The following RNF175 variants were observed in gnomAD, a reference collection of about 807,000 sequenced individuals.
The protein encoded by RNF175 is ring finger protein 175.
In RNF175, 38 loss-of-function variants were observed where a neutral mutation model predicts 50.0. That is an observed-to-expected ratio of 0.76 (90% CI 0.59 to 1.00). RNF175 has a LOEUF of 1.00. Ranked by LOEUF, RNF175 falls within the 50% of genes least tolerant of loss-of-function variation. The pLI is 0.00. For missense variants in RNF175, 388 were observed against 409.6 expected, an observed-to-expected ratio of 0.95 and a Z score of 0.46; for synonymous variants, 155 against 146.1, an observed-to-expected ratio of 1.06 and a Z score of -0.44.
chr4:153,756,275 A>G (rs1383345478), intron 1 of RNF175, among the ~76,000 whole-genome samples: 1 of 152,086 alleles, frequency 6.6e-6, no homozygotes. Flanking sequence ...TTGGCTAGCT[A>G]AATTTGTGTG....
At chr4:153,723,272 C>T (rs556138479) in intron 5 of RNF175, 79 bp downstream of exon 5, 7 of 719,454 alleles carry the variant, frequency 9.7e-6, no homozygotes, top group East Asian at 5.4e-5. Flanking sequence ...CCAGATGCTT[C>T]TGGATTAAGA....
intron 5 of RNF175, among the ~76,000 whole-genome samples, chr4:153,721,889 T>G (rs913756072): frequency 1.3e-5 from 2 of 152,178 alleles, no homozygotes; most frequent in Non-Finnish European, 2.9e-5. Flanking sequence ...CTAGCAATAA[T>G]AGATTTGTAC....
At position 153,715,604 on chromosome 4, in the gene RNF175, C is replaced by T. The variant is rs1383342337; in HGVS notation, c.689G>A (p.Cys230Tyr). 6.2e-7 allele frequency: 1 copy of T among 1,613,776 alleles called. No homozygotes were observed. The highest frequency in any genetic ancestry group is 1.7e-5 in the Admixed American group (1 of 60,014). Residue 230 changes from cysteine (C) to tyrosine (Y), a missense_variant, in exon 7 of 9, where the codon TGT becomes TAT. Physicochemically the swap from Cys to Tyr is radical, Grantham distance 194. Transcript: ENST00000347063. ...AAGCTCCACAATGATCTTCTGCCCA[C>T]AGACTGCACAGATATTGTCCGATAA... The part of the protein sequence containing the change: ...RSLSDNICAV[C>Y]GQKIIVELDE...
intron 6 of RNF175, among the ~76,000 whole-genome samples, chr4:153,719,520 CATAG>C (rs1472824725): frequency 6.6e-6 from 1 of 152,088 alleles, no homozygotes; most frequent in Non-Finnish European, 1.5e-5. Context: ...AAGAGTCAGA[CATAG>C]ATAAATGCCC....
At chr4:153,748,850 CAAAAAACAAAAAACA>C (rs748873241) in intron 2 of RNF175, 64 bp from the exon 3 acceptor site, 61 of 990,454 alleles carry the variant, frequency 6.2e-5, no homozygotes, top group African/African-American at 2.4e-4. Flanking sequence ...GCAAAAAAAA[CAAAAAACAAAAAACA>C]AAAAAACAAA....
chr4:153,720,773 A>T (rs1023320302), intron 5 of RNF175: 1 of 155,250 alleles, frequency 6.4e-6, no homozygotes, highest in African/African-American at 2.4e-5. Flanking sequence ...ACCACCAAGG[A>T]CTGGAGTTTA....
chr4:153,730,248 C>A (rs1738954530), intron 3 of RNF175, among the ~76,000 whole-genome samples: 1 of 152,082 alleles, frequency 6.6e-6, no homozygotes, highest in African/African-American at 2.4e-5. Flanking sequence ...AGCTTGAGAC[C>A]AGCCTGGGCA....
At chr4:153,734,923 A>G (rs543335158) in intron 3 of RNF175, among the ~76,000 whole-genome samples, 3 of 151,720 alleles carry the variant, frequency 2.0e-5, no homozygotes, top group Admixed American at 1.3e-4. Context: ...TGATCTGCCC[A>G]CCTCGGCCTC....
At chr4:153,718,197 C>T (rs1738068384) in intron 6 of RNF175, among the ~76,000 whole-genome samples, 1 of 138,746 alleles carries the variant, frequency 7.2e-6, no homozygotes, top group Admixed American at 7.5e-5. Context: ...TAGCTCATTC[C>T]TTTCCTAAGG....
intron 7 of RNF175, chr4:153,715,090 CTT>C (rs1737820341): frequency 9.1e-6 from 2 of 219,850 alleles, no homozygotes; most frequent in Non-Finnish European, 1.9e-5. Flanking sequence ...GCAAAGCACT[CTT>C]TGTATTTCTT....
At position 153,722,826 on chromosome 4, in the gene RNF175, C is replaced by T. The variant is rs184009862; in HGVS notation, c.509+525G>A. Among the ~76,000 whole-genome samples the T allele has an allele frequency of 1.1e-3, 166 of 151,144 alleles. 1 individual carries two copies. Among genetic ancestry groups the T allele is most frequent in the Non-Finnish European group, 1.2e-3 (83 of 67,860 alleles). ...TTAATCTCACCAATATATTTAAATA[C>T]TATCATTTCAAAATGTAATTGATAT... On this transcript the variant is annotated intron_variant, in intron 5 of 8. Transcript: ENST00000347063.
chr4:153,716,396 T>C (rs1205794707), intron 6 of RNF175, among the ~76,000 whole-genome samples: 2 of 152,208 alleles, frequency 1.3e-5, no homozygotes, highest in Non-Finnish European at 2.9e-5. Flanking sequence ...GAGGCATCTC[T>C]CCGTCATTTA....
chr4:153,712,523 C>G lies in RNF175; in HGVS notation c.818G>C (p.Cys273Ser). The G allele has an allele frequency of 1.2e-6, 2 of 1,613,212 alleles. No individual in the cohort carries two copies. The highest frequency in any genetic ancestry group is 2.7e-5 in the African/African-American group (2 of 75,030). The change falls in exon 8 of 9, where the codon TGC becomes TCC. Residue 273 changes from cysteine (C) to serine (S), a missense_variant. By Grantham distance (112) the Cys-to-Ser change is moderately radical (BLOSUM62 -1). Coordinates refer to ENST00000347063, the MANE Select transcript of RNF175 (RefSeq NM_173662.4). Reference sequence around the variant, plus strand: ...ATCAACTTTCTCTTTGCAGTAAGGGCAAGTCTGCTTTTTCCCAACGATACA... The same window carrying G: ...ATCAACTTTCTCTTTGCAGTAAGGGGAAGTCTGCTTTTTCCCAACGATACA... The part of the protein sequence containing the change: ...GWCIVGKKQT[C>S]PYCKEKVDLK...
At position 153,726,470 on chromosome 4, in the gene RNF175, T is replaced by C. The variant is rs190497842; in HGVS notation, c.401+1737A>G. 2.2e-3 allele frequency among the ~76,000 whole-genome samples: 339 copies of C among 152,294 alleles called. 2 individuals are homozygous for C. The highest frequency in any genetic ancestry group is 6.8e-3 in the African/African-American group (284 of 41,570). ...CAACTGTAGTTGAGAGGAAACTCACTTCCCCTTCTTTGGGCACCCCATCCT... is the reference window on the plus strand; with the variant it reads ...CAACTGTAGTTGAGAGGAAACTCACCTCCCCTTCTTTGGGCACCCCATCCT... On this transcript the variant is annotated intron_variant, in intron 4 of 8. Coordinates refer to ENST00000347063, the MANE Select transcript of RNF175 (RefSeq NM_173662.4).
chr4:153,752,641 A>C (rs894413657), intron 1 of RNF175, among the ~76,000 whole-genome samples: 2 of 152,244 alleles, frequency 1.3e-5, no homozygotes, highest in Admixed American at 1.3e-4. Flanking sequence ...ATTTTTAAGT[A>C]TAATGTAGAG....
intron 1 of RNF175, 140 bp downstream of exon 1, chr4:153,759,657 G>A (rs1001722300): frequency 3.8e-6 from 2 of 527,930 alleles, no homozygotes; most frequent in East Asian, 7.1e-5. Flanking sequence ...TCATGCGTCC[G>A]TCCCCACGTC....
At position 153,712,547 on chromosome 4, in the gene RNF175, C is replaced by A. The variant is rs765151412; in HGVS notation, c.794G>T (p.Cys265Phe). ...GCAAGTCTGCTTTTTCCCAACGATA[C>A]ACCAACCTCGGATGCAGAATTCATG... ...VFHEFCIRGW[C>F]IVGKKQTCPY... is the part of the protein sequence containing the mutation. The change falls in exon 8 of 9, where the codon TGT (cysteine) becomes TTT (phenylalanine). Residue 265 changes from cysteine to phenylalanine, a missense_variant. Physicochemically the swap from Cys to Phe is radical, Grantham distance 205. Coordinates refer to ENST00000347063, the MANE Select transcript of RNF175 (RefSeq NM_173662.4). 1 of 1,613,008 alleles carries A rather than the reference C, an allele frequency of 6.2e-7. No homozygotes were observed. Among genetic ancestry groups the A allele is most frequent in the Admixed American group, 1.7e-5 (1 of 59,960 alleles).
intron 6 of RNF175, among the ~76,000 whole-genome samples, 194 bp downstream of exon 6, chr4:153,719,990 T>C (rs1679808365): frequency 1.3e-5 from 2 of 152,222 alleles, no homozygotes; most frequent in African/African-American, 4.8e-5. Flanking sequence ...TTCCAATTAA[T>C]TAACAAAGAA....
intron 1 of RNF175, among the ~76,000 whole-genome samples, chr4:153,753,370 C>A (rs1306937223): frequency 6.6e-6 from 1 of 152,110 alleles, no homozygotes; most frequent in Non-Finnish European, 1.5e-5. Context: ...AGGCACCAGG[C>A]ATGTGGAGGG....
Sources: gnomAD v4.1 joint callset for allele counts (sites outside exome capture counted in the v4.1 genomes callset) on GRCh38, gnomAD v4.1.1 for gene constraint, MANE v1.5 for transcripts, NCBI Gene and HGNC (gene_info 2026-07-23, HGNC 2026-07-21) for gene names.